WLS: variants seen among roughly 807,000 people sequenced by gnomAD.
WLS encodes protein wntless homolog.
WLS carries 23 observed loss-of-function variants against 62.8 expected under a neutral mutation model. That is an observed-to-expected ratio of 0.37 (90% CI 0.26 to 0.52). The LOEUF (loss-of-function observed/expected upper bound fraction) is 0.52. Among genes scored for constraint, WLS ranks in the 20% least tolerant of loss-of-function variants. The pLI is 0.92. For missense variants in WLS, 615 were observed against 697.3 expected (o/e 0.88, Z 1.33); for synonymous variants, 246 against 244.1 (o/e 1.01, Z -0.07).
At chr1:68,110,379 C>A (rs1646208792) in intron 11 of WLS, among the ~76,000 whole-genome samples, 1 of 151,878 alleles carries the variant, frequency 6.6e-6, no homozygotes, top group Admixed American at 6.6e-5. Flanking sequence ...ACCTAAATAG[C>A]CTTATAATCA....
rs549083766 is a variant in WLS at position 68,150,327 on chromosome 1, G to T, written c.833C>A (p.Thr278Asn). ...CCATTCCACTGGGATATTGATAAAG[G>T]TCATGGAAATCCCAAGGGCAAAGAT... ...KVIFALGISM[T>N]FINIPVEWFS... Residue 278 changes from threonine to asparagine, a missense_variant, in exon 6 of 12, where the codon ACC becomes AAC. Coordinates refer to ENST00000262348, the MANE Select transcript of WLS (RefSeq NM_024911.7). 3.5e-5 allele frequency: 56 copies of T among 1,614,218 alleles called. No individual in the cohort carries two copies. In the South Asian group the frequency reaches 6.0e-4, roughly 17 times the overall value.
intron 2 of WLS, among the ~76,000 whole-genome samples, chr1:68,185,687 G>A (rs1006822068): frequency 6.6e-6 from 1 of 152,138 alleles, no homozygotes; most frequent in African/African-American, 2.4e-5. Context: ...TGTGGAAAAA[G>A]TGTCTTCCAT....
At chr1:68,122,073 CAG>C (rs1646370057), downstream of WLS, among the ~76,000 whole-genome samples, 2 of 152,208 alleles carry the variant, frequency 1.3e-5, no homozygotes, top group Non-Finnish European at 2.9e-5. Flanking sequence ...AAAGATCACA[CAG>C]AAATTCTAGT....
At position 68,126,271 on chromosome 1, in the gene WLS, T is replaced by C. The variant is rs762676870; in HGVS notation, c.1581A>G (p.Gly527=). Residue 527 remains glycine (G), a synonymous_variant, in exon 12 of 12, where the codon GGA becomes GGG. Coordinates refer to ENST00000262348, the MANE Select transcript of WLS (RefSeq NM_024911.7). ...GGGTCAACTTGTAGATCTCAGTGGG[T>C]CCGTCCACATGGGTGATAGTGGTGG... is the stretch of plus-strand genomic sequence containing the variant. ...QLTTTITHVD[G]PTEIYKLTRK... 1 of 1,611,754 alleles carries C rather than the reference T, an allele frequency of 6.2e-7. No homozygotes were observed. The highest frequency in any genetic ancestry group is 1.1e-5 in the South Asian group (1 of 90,908).
chr1:68,226,714 C>T (rs906907972), intron 1 of WLS, among the ~76,000 whole-genome samples: 15 of 152,128 alleles, frequency 9.9e-5, no homozygotes, highest in Non-Finnish European at 1.6e-4. Context: ...AACCCCGTGT[C>T]GGCATGTAGC....
At position 68,196,236 on chromosome 1, in the gene WLS, A is replaced by G. The variant is rs930593939; in HGVS notation, c.107-2009T>C. On this transcript the variant is annotated intron_variant, in intron 1 of 11. Coordinates refer to ENST00000262348, the MANE Select transcript of WLS (RefSeq NM_024911.7). ...TTTAGTTTTCCCATCCAAGAACAGT[A>G]CTTGTTTCTCCATTGTCTACAATCT... Among the ~76,000 whole-genome samples, 17 of 151,988 alleles carry G rather than the reference A, an allele frequency of 1.1e-4. No individual in the cohort carries two copies. In the East Asian group the frequency reaches 2.9e-3, roughly 26 times the overall value.
At chr1:68,222,979 G>A (rs913737373) in intron 1 of WLS, among the ~76,000 whole-genome samples, 39 of 152,076 alleles carry the variant, frequency 2.6e-4, no homozygotes, top group African/African-American at 8.7e-4. Context: ...TAATATCCCA[G>A]AGACCCCTGA....
intron 11 of WLS, among the ~76,000 whole-genome samples, chr1:68,110,605 A>C (rs929856833): frequency 1.3e-5 from 2 of 151,858 alleles, no homozygotes; most frequent in African/African-American, 4.8e-5. Context: ...TTTTGAGGTA[A>C]GGATAATCAA....
At chr1:68,106,809 AAG>A (rs1399549649) in intron 11 of WLS, among the ~76,000 whole-genome samples, 1 of 152,020 alleles carries the variant, frequency 6.6e-6, no homozygotes, top group African/African-American at 2.4e-5. Flanking sequence ...TGTCCAGGAC[AAG>A]AGATGCTTAA....
chr1:68,219,388 TC>T (rs1418356158), intron 1 of WLS, among the ~76,000 whole-genome samples: 2 of 152,218 alleles, frequency 1.3e-5, no homozygotes, highest in African/African-American at 4.8e-5. Context: ...TGGAAAAACG[TC>T]CCTTTCCAAC....
chr1:68,122,616 C>T (rs1430751), downstream of WLS, among the ~76,000 whole-genome samples: 47,226 of 152,004 alleles, frequency 0.31, 7,395 homozygotes, highest in East Asian at 0.45. Context: ...CCTATAATAT[C>T]CTTTAAAGCT....
intron 11 of WLS, 81 bp from the exon 12 acceptor site, chr1:68,126,416 T>C (rs1251089889): frequency 6.4e-7 from 1 of 1,560,482 alleles, no homozygotes; most frequent in Non-Finnish European, 8.7e-7. Flanking sequence ...ACAACTGCCC[T>C]GATGCTAGCC....
intron 11 of WLS, among the ~76,000 whole-genome samples, chr1:68,101,619 T>A (rs1187919809): frequency 6.6e-6 from 1 of 152,226 alleles, no homozygotes; most frequent in Non-Finnish European, 1.5e-5. Flanking sequence ...ATGTCTACGT[T>A]CACTGTCCAG....
At chr1:68,118,910 G>A (rs1646331019) in intron 11 of WLS, among the ~76,000 whole-genome samples, 1 of 89,916 alleles carries the variant, frequency 1.1e-5, no homozygotes. Flanking sequence ...AAAGCACCTG[G>A]CCCAATATTA....
intron 2 of WLS, among the ~76,000 whole-genome samples, chr1:68,160,920 GAAGAA>G (rs1345536409): frequency 6.6e-6 from 1 of 152,084 alleles, no homozygotes; most frequent in Non-Finnish European, 1.5e-5. Flanking sequence ...AATATCACGT[GAAGAA>G]AAGAAGACTT....
rs752586904 is a variant in WLS at position 68,194,145 on chromosome 1, G to A, written c.189C>T (p.Phe63=). 35 of 1,614,166 alleles carry A rather than the reference G, an allele frequency of 2.2e-5. No homozygotes were observed. Among genetic ancestry groups the A allele is most frequent in the Middle Eastern group, 3.3e-4 (2 of 6,062 alleles). Residue 63 remains phenylalanine (F), a synonymous_variant, in exon 2 of 12, where the codon TTC becomes TTT. Transcript: ENST00000262348. Reference sequence around the variant, plus strand: ...CACAATGATTGGGTCCCCAAGGCACGAACCATTTTGTCTTGTGATGGTTCT... The same window carrying A: ...CACAATGATTGGGTCCCCAAGGCACAAACCATTTTGTCTTGTGATGGTTCT... ...ARKNHHKTKW[F]VPWGPNHCDK...
At chr1:68,105,486 CAGAA>C (rs1646131459) in intron 11 of WLS, among the ~76,000 whole-genome samples, 2 of 152,042 alleles carry the variant, frequency 1.3e-5, no homozygotes, top group East Asian at 1.9e-4. Flanking sequence ...AAAAAGAATC[CAGAA>C]AGAAAGAAAT....
intron 11 of WLS, among the ~76,000 whole-genome samples, chr1:68,119,555 C>T (rs17481030): frequency 0.013 from 1,926 of 152,340 alleles, 26 homozygotes; most frequent in Non-Finnish European, 0.021. Flanking sequence ...GTGGCTCTCT[C>T]TCACAGCTTC....
chr1:68,178,743 A>C (rs747244253), intron 2 of WLS, among the ~76,000 whole-genome samples: 2 of 152,078 alleles, frequency 1.3e-5, no homozygotes, highest in Non-Finnish European at 2.9e-5. Context: ...AAAACTAAAC[A>C]AAAGAGGGTT....
Sources: gnomAD v4.1 joint callset for allele counts (sites outside exome capture counted in the v4.1 genomes callset) on GRCh38, gnomAD v4.1.1 for gene constraint, MANE v1.5 for transcripts, NCBI Gene and HGNC (gene_info 2026-07-23, HGNC 2026-07-21) for gene names.